Variants in TOPAZ1 observed in about 807,000 individuals in gnomAD.
TOPAZ1 encodes the protein testis and ovary specific TOPAZ 1, also known as protein TOPAZ1.
In TOPAZ1, 66 loss-of-function variants were observed where a neutral mutation model predicts 172.2. The observed-to-expected ratio is 0.38, with a 90% confidence interval of 0.31 to 0.47. The LOEUF is 0.47. TOPAZ1 is among the 20% of genes least tolerant of loss of function. The probability of loss-of-function intolerance (pLI) is 0.99; values close to 1 mark genes in which losing one functional copy is unlikely to be tolerated. For synonymous variants in TOPAZ1, 681 were observed against 683.9 expected, an observed-to-expected ratio of 1.00 and a Z score of 0.07; for missense variants, 1,822 against 1,972.4, an observed-to-expected ratio of 0.92 and a Z score of 1.44.
At chr3:44,294,811 A>C (rs983580602) in intron 12 of TOPAZ1, among the ~76,000 whole-genome samples, 1 of 152,160 alleles carries the variant, frequency 6.6e-6, no homozygotes, top group African/African-American at 2.4e-5. Context: ...TTTGATTTTG[A>C]TTATATTTTT....
chr3:44,321,305 T>C (rs1003350535), intron 17 of TOPAZ1, 114 bp downstream of exon 17: 2 of 734,402 alleles, frequency 2.7e-6, no homozygotes, highest in African/African-American at 3.7e-5. Context: ...GCATATTTTT[T>C]AATGAAGTAG....
chr3:44,250,336 ACTTTT>A (rs1027405945), intron 2 of TOPAZ1, among the ~76,000 whole-genome samples: 49 of 151,296 alleles, frequency 3.2e-4, no homozygotes, highest in African/African-American at 1.2e-3. Flanking sequence ...TAAGAAACTT[ACTTTT>A]CTTTATTGTC....
Position 44,242,973 on chromosome 3 carries a change from C to T in TOPAZ1, c.467C>T (p.Ser156Phe), listed in dbSNP as rs1699504589. ...TTCCAAACAGTGGAATGCTTGCAGT[C>T]TTTGGGTAAGGAAAGTATAATAGAA... ...ESFQTVECLQSLGKESIIEGI... is the reference protein window; with the variant it reads ...ESFQTVECLQFLGKESIIEGI... The change falls in exon 2 of 20, where the codon TCT (serine) becomes TTT (phenylalanine). Residue 156 changes from serine to phenylalanine, a missense_variant. This residue lies in a region of TOPAZ1 where 1,489 missense variants were observed against 1,490.8 expected (regional missense o/e 1.00). Transcript: ENST00000309765. The T allele has an allele frequency of 1.3e-6, 2 of 1,550,538 alleles. No individual in the cohort carries two copies. Among genetic ancestry groups the T allele is most frequent in the Admixed American group, 2.0e-5 (1 of 50,880 alleles).
chr3:44,278,397 G>A (rs530910453), intron 8 of TOPAZ1, among the ~76,000 whole-genome samples: 39 of 152,328 alleles, frequency 2.6e-4, no homozygotes, highest in Non-Finnish European at 4.3e-4. Context: ...CACAGAATGA[G>A]TTAGGGACAA....
At chr3:44,309,722 G>A in intron 15 of TOPAZ1, 103 bp from the exon 16 acceptor site, 1 of 840,018 alleles carries the variant, frequency 1.2e-6, no homozygotes, top group Non-Finnish European at 1.8e-6. Context: ...AGCAGTCTAG[G>A]ATGATGATTC....
At chr3:44,290,670 T>C in intron 11 of TOPAZ1, 101 bp from the exon 12 acceptor site, 1 of 668,512 alleles carries the variant, frequency 1.5e-6, no homozygotes, top group Non-Finnish European at 2.6e-6. Context: ...GTCTCCATGT[T>C]TCACTTCTTC....
At chr3:44,296,210 A>C (rs931922711) in intron 12 of TOPAZ1, among the ~76,000 whole-genome samples, 6 of 152,220 alleles carry the variant, frequency 3.9e-5, no homozygotes, top group Admixed American at 3.9e-4. Flanking sequence ...CAGTTAAAGC[A>C]ATCCTGAGAG....
At chr3:44,257,410 TATTTTATATATTTTATATATATATAAA>T (rs1699723644) in intron 4 of TOPAZ1, among the ~76,000 whole-genome samples, 19 of 114,574 alleles carry the variant, frequency 1.7e-4, no homozygotes, top group East Asian at 2.1e-4. Flanking sequence ...TGTGTGTGTC[TATTTTATATATTTTATATATATATAAA>T]ATGTGTGTGT....
At position 44,301,747 on chromosome 3, in the gene TOPAZ1, C is replaced by T. The variant is rs1281750882; in HGVS notation, c.3798-2268C>T. 2.0e-5 allele frequency among the ~76,000 whole-genome samples: 3 copies of T among 152,182 alleles called. No homozygotes were observed. The East Asian group carries it at 5.8e-4, about 29-fold the overall frequency. ...AACTTTTAGAGTTCTTGATATATTA[C>T]AGGTATTAGGCCTTTGTAGTATATA... On this transcript the variant is annotated intron_variant, in intron 12 of 19. Transcript: ENST00000309765.
intron 2 of TOPAZ1, among the ~76,000 whole-genome samples, chr3:44,246,920 T>A (rs1312962901): frequency 6.6e-6 from 1 of 152,204 alleles, no homozygotes; most frequent in Non-Finnish European, 1.5e-5. Flanking sequence ...CAGAGTAAAT[T>A]CTGCATTCAA....
rs1023786791 is a variant in TOPAZ1, at chr3:44,244,899, T to C, written c.2393T>C (p.Val798Ala). 1.9e-6 allele frequency: 3 copies of C among 1,551,654 alleles called. No homozygotes were observed. Among genetic ancestry groups the C allele is most frequent in the African/African-American group, 2.7e-5 (2 of 73,052 alleles). The change falls in exon 2 of 20, where the codon GTT (valine) becomes GCT (alanine). Residue 798 changes from valine to alanine, a missense_variant. Coordinates refer to ENST00000309765, the MANE Select transcript of TOPAZ1 (RefSeq NM_001145030.2). The stretch of plus-strand genomic sequence containing the variant: ...GGCAATATTGTTTCTAATAAAGAAG[T>C]TGCTTCTCTCACAGTTGAAAATAAT... Reference protein sequence around the residue: ...EPGNIVSNKEVASLTVENNAF... With the variant: ...EPGNIVSNKEAASLTVENNAF...
rs1391602132 is a variant in TOPAZ1 at position 44,244,811 on chromosome 3, A to G, written c.2305A>G (p.Ile769Val). 3 of 1,551,524 alleles carry G rather than the reference A, an allele frequency of 1.9e-6. No individual in the cohort carries two copies. The highest frequency in any genetic ancestry group is 1.4e-5 in the African/African-American group (1 of 73,054). ...ATTCTACAATAAGAAATCCTATAGT[A>G]TTTCTCCAAGCTTTACAAAGCAAGG... ...DSFYNKKSYS[I>V]SPSFTKQGNN... The change falls in exon 2 of 20, where the codon ATT (isoleucine) becomes GTT (valine). Residue 769 changes from isoleucine (I) to valine (V), a missense_variant. Transcript: ENST00000309765.
At chr3:44,297,619 T>A (rs1220966071) in intron 12 of TOPAZ1, among the ~76,000 whole-genome samples, 1 of 152,124 alleles carries the variant, frequency 6.6e-6, no homozygotes, top group African/African-American at 2.4e-5. Context: ...TTCAACATAC[T>A]ATGATAAATC....
At chr3:44,253,774 C>G (rs1253116876) in intron 2 of TOPAZ1, among the ~76,000 whole-genome samples, 3 of 152,158 alleles carry the variant, frequency 2.0e-5, no homozygotes, top group Admixed American at 6.5e-5. Flanking sequence ...ACTTTGTTTT[C>G]TAAACTTCAA....
chr3:44,312,629 C>T (rs1700408870), intron 16 of TOPAZ1, among the ~76,000 whole-genome samples: 1 of 152,144 alleles, frequency 6.6e-6, no homozygotes, highest in South Asian at 2.1e-4. Flanking sequence ...AACTCTTTCT[C>T]ATACTAGTGC....
chr3:44,331,337 T>C (rs1020766754), intron 19 of TOPAZ1, among the ~76,000 whole-genome samples: 3 of 151,910 alleles, frequency 2.0e-5, no homozygotes, highest in African/African-American at 7.3e-5. Context: ...AATATGTCTT[T>C]TTTTTTTGGA....
In TOPAZ1 at chr3:44,309,917, T is replaced by C; in HGVS notation, c.4233T>C (p.Cys1411=). The change falls in exon 16 of 20, where the codon TGT becomes TGC. Residue 1411 remains cysteine (C), a synonymous_variant. Transcript: ENST00000309765. ...GGCCTGAGAAGTTAGCATCAAGATGTCAAATTGTGAATGTTGCAGCAGAAA... is the reference window on the plus strand; with the variant it reads ...GGCCTGAGAAGTTAGCATCAAGATGCCAAATTGTGAATGTTGCAGCAGAAA... ...LIGPEKLASR[C]QIVNVAAEIF... 6.4e-7 allele frequency: 1 copy of C among 1,551,580 alleles called. No homozygotes were observed. The highest frequency in any genetic ancestry group is 8.7e-7 in the Non-Finnish European group (1 of 1,146,882).
chr3:44,264,219 G>T (rs747253574), intron 5 of TOPAZ1, among the ~76,000 whole-genome samples: 6 of 152,160 alleles, frequency 3.9e-5, no homozygotes, highest in Non-Finnish European at 8.8e-5. Context: ...TTCTAGTTAA[G>T]AAGGCAGGAA....
chr3:44,290,675 T>G (rs974190568), intron 11 of TOPAZ1, 96 bp from the exon 12 acceptor site: 7 of 686,442 alleles, frequency 1.0e-5, no homozygotes, highest in African/African-American at 1.9e-5. Context: ...CATGTTTCAC[T>G]TCTTCCATTA....
Sources: allele counts gnomAD v4.1 joint callset (sites outside exome capture counted in the v4.1 genomes callset), GRCh38; gene constraint gnomAD v4.1.1; regional missense constraint gnomAD v4.1.1; transcripts MANE v1.5; gene names NCBI Gene and HGNC (gene_info 2026-07-23, HGNC 2026-07-21).